CTNNA2: variants seen among roughly 807,000 people sequenced by gnomAD.
The protein encoded by CTNNA2 is catenin alpha-2.
CTNNA2 carries 42 observed loss-of-function variants against 101.0 expected under a neutral mutation model. The ratio of observed to expected loss-of-function variants is 0.42; its 90% CI spans 0.32 to 0.54. The LOEUF (loss-of-function observed/expected upper bound fraction) is 0.54, where lower values mean the gene tolerates loss of function less well. CTNNA2 is among the 20% of genes least tolerant of loss of function. CTNNA2 has a pLI of 0.14. For synonymous variants in CTNNA2, 450 were observed against 456.4 expected, an observed-to-expected ratio of 0.99 and a Z score of 0.18; for missense variants, 871 against 1,223.1, an observed-to-expected ratio of 0.71 and a Z score of 4.29.
rs1483064971 is a variant in CTNNA2, at chr2:80,581,793, C to G, written c.1981C>G (p.Gln661Glu). 6.2e-7 allele frequency: 1 copy of G among 1,611,252 alleles called. No homozygotes were observed. The highest frequency in any genetic ancestry group is 8.5e-7 in the Non-Finnish European group (1 of 1,177,742). ...SRTSVQTEDD[Q>E]LIAGQSARAI... Reference sequence around the variant, plus strand: ...GACAAGTGTTCAGACTGAGGATGACCAGCTCATTGCAGGGCAGAGCGCACG... The same window carrying G: ...GACAAGTGTTCAGACTGAGGATGACGAGCTCATTGCAGGGCAGAGCGCACG... Residue 661 changes from glutamine to glutamate, a missense_variant, in exon 14 of 19, where the codon CAG (glutamine) becomes GAG (glutamate). Physicochemically the swap from Gln to Glu is conservative, Grantham distance 29. Coordinates refer to ENST00000402739, the MANE Select transcript of CTNNA2 (RefSeq NM_001282597.3).
At chr2:79,583,200 T>TAC (rs1379488214) in intron 1 of CTNNA2, among the ~76,000 whole-genome samples, 6 of 150,638 alleles carry the variant, frequency 4.0e-5, no homozygotes, top group Admixed American at 2.0e-4. Flanking sequence ...AAATCTGATA[T>TAC]ACACACATAT....
chr2:79,304,179 A>G (rs1402513706), intron 2 of CTNNA2, among the ~76,000 whole-genome samples: 2 of 152,178 alleles, frequency 1.3e-5, no homozygotes, highest in African/African-American at 4.8e-5. Flanking sequence ...AACTGGGAGC[A>G]GGTAGAAAAC....
intron 2 of CTNNA2, among the ~76,000 whole-genome samples, chr2:79,252,597 G>GT (rs887249912): frequency 2.0e-5 from 3 of 151,970 alleles, no homozygotes; most frequent in Non-Finnish European, 4.4e-5. Flanking sequence ...TCATTTGTAA[G>GT]TTTTTTTAAT....
chr2:80,322,529 G>A (rs1426072668), intron 7 of CTNNA2, among the ~76,000 whole-genome samples: 2 of 151,644 alleles, frequency 1.3e-5, no homozygotes, highest in African/African-American at 4.8e-5. Context: ...GGGGCTGCCT[G>A]CAGCCCCCGG....
chr2:79,436,243 A>C (rs1249360150), intron 4 of CTNNA2, among the ~76,000 whole-genome samples: 2 of 152,022 alleles, frequency 1.3e-5, no homozygotes, highest in East Asian at 3.9e-4. Context: ...TGGATCATCA[A>C]ACAGGAGGAG....
intron 1 of CTNNA2, among the ~76,000 whole-genome samples, chr2:79,530,401 CAT>C (rs775441951): frequency 2.0e-5 from 3 of 152,236 alleles, no homozygotes; most frequent in East Asian, 3.9e-4. Context: ...AAAAAGGAAA[CAT>C]ATCTCTTTAC....
chr2:79,479,780 C>A (rs950823888), intron 4 of CTNNA2, among the ~76,000 whole-genome samples: 1 of 151,804 alleles, frequency 6.6e-6, no homozygotes, highest in Non-Finnish European at 1.5e-5. Context: ...AAAATTAGCT[C>A]GGCATGGTGG....
intron 1 of CTNNA2, among the ~76,000 whole-genome samples, chr2:79,531,969 C>T (rs1322550848): frequency 6.6e-6 from 1 of 152,022 alleles, no homozygotes; most frequent in African/African-American, 2.4e-5. Flanking sequence ...CATGAGCCAC[C>T]GTACCCAGAC....
At chr2:79,474,683 G>A (rs1196262989) in intron 4 of CTNNA2, among the ~76,000 whole-genome samples, 2 of 152,066 alleles carry the variant, frequency 1.3e-5, no homozygotes, top group African/African-American at 2.4e-5. Context: ...TGCCTATAAT[G>A]TCTAAGTCAT....
At chr2:79,887,056 A>T (rs1213965590) in intron 6 of CTNNA2, among the ~76,000 whole-genome samples, 2 of 151,990 alleles carry the variant, frequency 1.3e-5, no homozygotes, top group African/African-American at 4.8e-5. Context: ...AACTCAAGTG[A>T]TCTGCCCAAC....
intron 14 of CTNNA2, among the ~76,000 whole-genome samples, chr2:80,588,972 C>T (rs1007909781): frequency 6.6e-6 from 1 of 152,106 alleles, no homozygotes; most frequent in African/African-American, 2.4e-5. Flanking sequence ...GTAAAAGTTT[C>T]CTGAGACCAA....
At chr2:79,649,571 G>A (rs756625639) in intron 1 of CTNNA2, among the ~76,000 whole-genome samples, 1 of 152,208 alleles carries the variant, frequency 6.6e-6, no homozygotes, top group East Asian at 1.9e-4. Context: ...TCTATGGCAT[G>A]AGAAGGTGTG....
rs562642722 is a variant in CTNNA2, at chr2:80,418,110, G to C, written c.1138-1339G>C. Among the ~76,000 whole-genome samples, 441 of 152,262 alleles carry C rather than the reference G, an allele frequency of 2.9e-3. 2 individuals are homozygous for C. Among genetic ancestry groups the C allele is most frequent in the African/African-American group, 0.01 (421 of 41,560 alleles). ...ATATCTTTTCCTCCATTGTGGGCCT[G>C]TTCTGGAAGAGAGCCACGGCAGGTC... On this transcript the variant is annotated intron_variant, in intron 8 of 18. Coordinates refer to ENST00000402739, the MANE Select transcript of CTNNA2 (RefSeq NM_001282597.3).
intron 3 of CTNNA2, among the ~76,000 whole-genome samples, chr2:79,321,597 G>C (rs1010660726): frequency 1.3e-5 from 2 of 152,146 alleles, no homozygotes; most frequent in South Asian, 4.1e-4. Context: ...GCTTTCTTAT[G>C]ATGTACCATT....
At chr2:79,995,063 A>G (rs1553424885) in intron 7 of CTNNA2, among the ~76,000 whole-genome samples, 1 of 152,200 alleles carries the variant, frequency 6.6e-6, no homozygotes, top group Non-Finnish European at 1.5e-5. Context: ...CCATTAGCTC[A>G]TTATTACACT....
chr2:80,186,112 C>T (rs1706110945), intron 7 of CTNNA2, among the ~76,000 whole-genome samples: 2 of 152,130 alleles, frequency 1.3e-5, no homozygotes, highest in African/African-American at 4.8e-5. Flanking sequence ...CCCACCCCAC[C>T]CCCATCCCTA....
chr2:79,409,492 G>A (rs1678382314), intron 4 of CTNNA2, among the ~76,000 whole-genome samples: 1 of 151,798 alleles, frequency 6.6e-6, no homozygotes, highest in Admixed American at 6.6e-5. Context: ...TGTAAGGAAG[G>A]GATCCAGTTT....
At chr2:79,527,140 C>T (rs924645223) in intron 1 of CTNNA2, among the ~76,000 whole-genome samples, 1 of 151,768 alleles carries the variant, frequency 6.6e-6, no homozygotes, top group Middle Eastern at 3.2e-3. Context: ...TTATAAAGAA[C>T]CATATAAAGA....
intron 17 of CTNNA2, among the ~76,000 whole-genome samples, chr2:80,609,419 G>T (rs1253593300): frequency 6.6e-6 from 1 of 151,714 alleles, no homozygotes; most frequent in Non-Finnish European, 1.5e-5. Flanking sequence ...CCTGTTTCAT[G>T]CAGTCCCACC....
Sources: gnomAD v4.1 joint callset for allele counts (sites outside exome capture counted in the v4.1 genomes callset) on GRCh38, gnomAD v4.1.1 for gene constraint, MANE v1.5 for transcripts, NCBI Gene and HGNC (gene_info 2026-07-23, HGNC 2026-07-21) for gene names.